SUGCT: variants seen among roughly 807,000 people sequenced by gnomAD.
SUGCT encodes succinyl-CoA:glutarate-CoA transferase, also known as succinyl-CoA:glutarate CoA-transferase.
Under a neutral mutation model 55.0 loss-of-function variants are expected in SUGCT, and 41 were observed. That is an observed-to-expected ratio of 0.74 (90% CI 0.58 to 0.97). The LOEUF is 0.97. SUGCT is among the 50% of genes least tolerant of loss of function. SUGCT has a pLI of 0.00. For missense variants in SUGCT, 568 were observed against 547.8 expected (o/e 1.04, Z -0.37); for synonymous variants, 187 against 200.4 (o/e 0.93, Z 0.56).
the SUGCT span, among the ~76,000 whole-genome samples, chr7:40,907,168 TTGAG>T: frequency 7.0e-6 from 1 of 143,226 alleles, no homozygotes; most frequent in East Asian, 2.1e-4. Context: ...AGAGAGAAGA[TTGAG>T]TGGGGACTTG....
intron 9 of SUGCT, among the ~76,000 whole-genome samples, chr7:40,377,231 TTCCCTTCCTTCC>T (rs1784641785): frequency 1.0e-4 from 2 of 19,584 alleles, no homozygotes; most frequent in Non-Finnish European, 2.4e-4. Context: ...TCTTTCTTTC[TTCCCTTCCTTCC>T]TTCCTTCTTT....
At chr7:40,890,960 A>G in the SUGCT span, among the ~76,000 whole-genome samples, 1 of 152,204 alleles carries the variant, frequency 6.6e-6, no homozygotes, top group Non-Finnish European at 1.5e-5. Flanking sequence ...TTCAACAAAG[A>G]GAGACAACCC....
At chr7:40,321,066 C>T (rs1160978550) in intron 9 of SUGCT, among the ~76,000 whole-genome samples, 1 of 147,118 alleles carries the variant, frequency 6.8e-6, no homozygotes, top group Non-Finnish European at 1.5e-5. Flanking sequence ...TTTCTTTTTT[C>T]TTTCTTTCTT....
chr7:40,533,394 T>C (rs1293730201), intron 12 of SUGCT, among the ~76,000 whole-genome samples: 1 of 152,116 alleles, frequency 6.6e-6, no homozygotes, highest in East Asian at 1.9e-4. Flanking sequence ...AGAATATCAA[T>C]TAAGTGTTAA....
chr7:40,903,470 T>C, the SUGCT span, among the ~76,000 whole-genome samples: 35 of 152,192 alleles, frequency 2.3e-4, no homozygotes, highest in African/African-American at 8.0e-4. Flanking sequence ...CACCAGTCTG[T>C]TGAGCCAGAA....
At position 40,663,519 on chromosome 7, in the gene SUGCT, G is replaced by GTGTGTGTGTA. The variant is rs777739219; in HGVS notation, c.1090-85912_1090-85911insGTGTGTATGT. Reference sequence around the variant, plus strand: ...TGTGTGTGTGTGTGTGTGTGTGTGTGTGTATCATTACTTAAAGGTTTATTT... The same window carrying GTGTGTGTGTA: ...TGTGTGTGTGTGTGTGTGTGTGTGTGTGTGTGTGTATGTATCATTACTTAAAGGTTTATTT... On this transcript the variant is annotated intron_variant, in intron 12 of 13. Coordinates refer to ENST00000335693, the MANE Select transcript of SUGCT (RefSeq NM_001193313.2). 7.9e-4 allele frequency among the ~76,000 whole-genome samples: 117 copies of GTGTGTGTGTA among 148,504 alleles called. 1 individual carries two copies. Among genetic ancestry groups the GTGTGTGTGTA allele is most frequent in the South Asian group, 6.3e-4 (3 of 4,770 alleles).
intron 7 of SUGCT, among the ~76,000 whole-genome samples, chr7:40,259,954 G>T (rs1791111989): frequency 2.0e-5 from 3 of 152,208 alleles, no homozygotes; most frequent in African/African-American, 7.2e-5. Flanking sequence ...TGAGCTTGAA[G>T]TATCCTTCAT....
Position 40,755,166 on chromosome 7 carries a change from A to C in SUGCT, c.1153+5669A>C, listed in dbSNP as rs10274943. ...AATACAAATCAAAAAAAATTCAAAG[A>C]TATCTATGCTGGGGTCCCTGAGATT... On this transcript the variant is annotated intron_variant, in intron 13 of 13. Transcript: ENST00000335693. Among the ~76,000 whole-genome samples the C allele has an allele frequency of 7.3e-3, 1,113 of 152,258 alleles. 8 individuals carry two copies. The highest frequency in any genetic ancestry group is 0.011 in the Non-Finnish European group (779 of 68,012).
At chr7:40,848,832 CCATGCTAGTTAA>C (rs1224944740) in intron 13 of SUGCT, among the ~76,000 whole-genome samples, 1 of 152,154 alleles carries the variant, frequency 6.6e-6, no homozygotes, top group Admixed American at 6.6e-5. Context: ...TCTCACCATT[CCATGCTAGTTAA>C]ATAGCTTTCT....
chr7:40,420,494 A>G (rs1787249026), intron 9 of SUGCT, among the ~76,000 whole-genome samples: 1 of 151,968 alleles, frequency 6.6e-6, no homozygotes, highest in Admixed American at 6.5e-5. Flanking sequence ...GCCCGCCACC[A>G]TGCCCAGCTA....
At chr7:40,257,635 G>T (rs1790897772) in intron 7 of SUGCT, among the ~76,000 whole-genome samples, 1 of 152,172 alleles carries the variant, frequency 6.6e-6, no homozygotes, top group Non-Finnish European at 1.5e-5. Context: ...CAGCACTTTG[G>T]GAGGCTGAGG....
chr7:40,306,919 A>G (rs559546746), intron 8 of SUGCT, among the ~76,000 whole-genome samples: 1 of 152,314 alleles, frequency 6.6e-6, no homozygotes, highest in East Asian at 1.9e-4. Flanking sequence ...TTTGATATCC[A>G]GTTTCCTCAT....
At chr7:40,788,722 G>C (rs575859853) in intron 13 of SUGCT, among the ~76,000 whole-genome samples, 2 of 152,220 alleles carry the variant, frequency 1.3e-5, no homozygotes, top group African/African-American at 4.8e-5. Flanking sequence ...TCCTACTCAT[G>C]GTAGTTCAGG....
the SUGCT span, among the ~76,000 whole-genome samples, chr7:40,873,793 T>G: frequency 6.6e-6 from 1 of 152,216 alleles, no homozygotes. Flanking sequence ...TCAAGGAACT[T>G]AAAACCAAGG....
intron 9 of SUGCT, among the ~76,000 whole-genome samples, chr7:40,432,796 T>C (rs1054975608): frequency 1.3e-5 from 2 of 151,990 alleles, no homozygotes; most frequent in African/African-American, 4.8e-5. Context: ...TTTATTTTAG[T>C]TCATGAGTTT....
chr7:40,360,558 G>A (rs1798103394), intron 9 of SUGCT, among the ~76,000 whole-genome samples: 1 of 152,172 alleles, frequency 6.6e-6, no homozygotes, highest in African/African-American at 2.4e-5. Flanking sequence ...AGGTGGTGAT[G>A]GATGCAGTAA....
chr7:40,398,084 T>A (rs866697307), intron 9 of SUGCT, among the ~76,000 whole-genome samples: 19 of 152,132 alleles, frequency 1.2e-4, no homozygotes, highest in African/African-American at 4.6e-4. Context: ...CGTTCTCTAT[T>A]TCTTTTTTCT....
intron 6 of SUGCT, among the ~76,000 whole-genome samples, chr7:40,205,200 A>C (rs1467647866): frequency 6.6e-6 from 1 of 152,144 alleles, no homozygotes; most frequent in Non-Finnish European, 1.5e-5. Flanking sequence ...GGTTGCAGTG[A>C]GCCGAGATTG....
chr7:40,369,624 A>C (rs1276870618), intron 9 of SUGCT, among the ~76,000 whole-genome samples: 2 of 152,208 alleles, frequency 1.3e-5, no homozygotes, highest in Non-Finnish European at 2.9e-5. Context: ...GGGTGCAGAC[A>C]TCAGTCCCAA....
Sources: allele counts gnomAD v4.1 joint callset (sites outside exome capture counted in the v4.1 genomes callset), GRCh38; gene constraint gnomAD v4.1.1; transcripts MANE v1.5; gene names NCBI Gene and HGNC (gene_info 2026-07-23, HGNC 2026-07-21).